USP38: variants seen among roughly 807,000 people sequenced by gnomAD.
USP38 encodes the protein ubiquitin specific peptidase 38.
In USP38, 49 loss-of-function variants were observed where a neutral mutation model predicts 94.3. That is an observed-to-expected ratio of 0.52 (90% CI 0.41 to 0.66). USP38 has a LOEUF of 0.66. Ranked by LOEUF, USP38 falls within the 30% of genes least tolerant of loss-of-function variation. USP38 has a pLI of 0.00. For synonymous variants in USP38, 468 were observed against 463.6 expected (o/e 1.01, Z -0.12); for missense variants, 1,128 against 1,229.4 (o/e 0.92, Z 1.23).
chr4:143,195,395 C>T (rs1731515217), intron 2 of USP38, among the ~76,000 whole-genome samples: 1 of 152,174 alleles, frequency 6.6e-6, no homozygotes. Context: ...CTTCTGGTTC[C>T]AGACATTTCA....
chr4:143,192,064 T>C (rs1256036236), intron 2 of USP38, among the ~76,000 whole-genome samples: 2 of 152,258 alleles, frequency 1.3e-5, no homozygotes, highest in African/African-American at 4.8e-5. Context: ...GCCAGTACTA[T>C]TATTTGATAA....
intron 6 of USP38, among the ~76,000 whole-genome samples, chr4:143,208,091 C>T (rs1403928819): frequency 6.6e-6 from 1 of 151,966 alleles, no homozygotes; most frequent in Non-Finnish European, 1.5e-5. Flanking sequence ...TGCAGAGAAT[C>T]CTATTTATAT....
intron 2 of USP38, among the ~76,000 whole-genome samples, chr4:143,190,290 A>T (rs115153455): frequency 6.6e-6 from 1 of 152,098 alleles, no homozygotes; most frequent in African/African-American, 2.4e-5. Context: ...TACATGACAT[A>T]AACTATTTAA....
chr4:143,212,979 A>T (rs1357201704), intron 8 of USP38, among the ~76,000 whole-genome samples: 4 of 152,188 alleles, frequency 2.6e-5, no homozygotes, highest in African/African-American at 9.6e-5. Context: ...ATATCAATAA[A>T]TACAACCCAT....
At chr4:143,191,248 C>T (rs1196537399) in intron 2 of USP38, among the ~76,000 whole-genome samples, 2 of 151,982 alleles carry the variant, frequency 1.3e-5, no homozygotes, top group Non-Finnish European at 2.9e-5. Flanking sequence ...ATGTAGATAC[C>T]GTACCAGGAC....
chr4:143,197,939 A>G lies in USP38; in HGVS notation c.1050+15A>G. On this transcript the variant is annotated intron_variant, in intron 4 of 9. Transcript: ENST00000307017. ...CGTTCCATTTGGTAAGTTATGACAT[A>G]AACGTTCTACTTTGAAAAAGCCTCA... The G allele has an allele frequency of 6.4e-7, 1 of 1,568,348 alleles. No homozygotes were observed. Among genetic ancestry groups the G allele is most frequent in the Non-Finnish European group, 8.7e-7 (1 of 1,151,112 alleles).
In USP38 at chr4:143,223,720, G is replaced by T. The variant is rs1448471860; in HGVS notation, c.*3264G>T. 4 of 152,014 alleles carry T rather than the reference G, an allele frequency of 2.6e-5. No homozygotes were observed. The allele number at this position is 152,014 out of a possible 1,614,324, so 9.4% of individuals were successfully genotyped here. A position where few individuals can be genotyped will look rare whatever the true frequency, so the allele number is the denominator to read the frequency against. On this transcript the variant is annotated 3_prime_UTR_variant, in exon 10 of 10. Transcript: ENST00000307017. ...TCTCAGTCCATCTTTTCCTATGATTGTGTACTTCACATGATACATTCCATA... is the reference window on the plus strand; with the variant it reads ...TCTCAGTCCATCTTTTCCTATGATTTTGTACTTCACATGATACATTCCATA...
rs775656549 is a variant in USP38 at position 143,187,845 on chromosome 4, T to C, written c.702T>C (p.Ser234=). The part of the protein sequence containing the change: ...ISSTDASFEP[S]VALASLVQHI... ...AAACAGATGCATCATTTGAACCTTC[T>C]GTAGCATTGGCAAGCCTTGTGCAGC... Residue 234 remains serine (S), a synonymous_variant, in exon 2 of 10, where the codon TCT becomes TCC. Coordinates refer to ENST00000307017, the MANE Select transcript of USP38 (RefSeq NM_032557.6). 8 of 1,612,760 alleles carry C rather than the reference T, an allele frequency of 5.0e-6. No homozygotes were observed. The highest frequency in any genetic ancestry group is 4.5e-5 in the East Asian group (2 of 44,824).
At chr4:143,207,989 A>G (rs1040570952) in intron 6 of USP38, among the ~76,000 whole-genome samples, 2 of 152,156 alleles carry the variant, frequency 1.3e-5, no homozygotes, top group Non-Finnish European at 2.9e-5. Context: ...TCCAAAGGTA[A>G]TTTGTTAACA....
rs981006671 is a variant in USP38, at chr4:143,214,572, A to T, written c.2596A>T (p.Thr866Ser). 16 of 1,613,560 alleles carry T rather than the reference A, an allele frequency of 9.9e-6. No homozygotes were observed. The highest frequency in any genetic ancestry group is 1.3e-5 in the Non-Finnish European group (15 of 1,179,794). Reference protein sequence around the residue: ...GHYYSYARNITSTDSSYQMYH... With the variant: ...GHYYSYARNISSTDSSYQMYH... ...TTACTATTCTTATGCCAGGAATATC[A>T]CAAGTACAGACTCTTCATATCAGAT... Residue 866 changes from threonine (T) to serine (S), a missense_variant, in exon 9 of 10, where the codon ACA (threonine) becomes TCA (serine). Physicochemically the swap from Thr to Ser is moderately conservative, Grantham distance 58 (BLOSUM62 1). Coordinates refer to ENST00000307017, the MANE Select transcript of USP38 (RefSeq NM_032557.6).
Position 143,186,174 on chromosome 4 carries a change from T to C in USP38, c.682+42T>C, listed in dbSNP as rs528279595. On this transcript the variant is annotated intron_variant, in intron 1 of 9. Coordinates refer to ENST00000307017, the MANE Select transcript of USP38 (RefSeq NM_032557.6). ...TTCAGAATATCTCATAAAAAATCAGTATATGTCTCTCTTGCACACACACAT... is the reference window on the plus strand; with the variant it reads ...TTCAGAATATCTCATAAAAAATCAGCATATGTCTCTCTTGCACACACACAT... 6 of 1,572,290 alleles carry C rather than the reference T, an allele frequency of 3.8e-6. No individual in the cohort carries two copies. In the Admixed American group the frequency reaches 6.8e-5, roughly 18 times the overall value.
chr4:143,203,561 A>G lies in USP38; in HGVS notation c.1204A>G (p.Ile402Val), dbSNP rs771953886. The change falls in exon 5 of 10, where the codon ATA becomes GTA. Residue 402 changes from isoleucine to valine, a missense_variant. Physicochemically the swap from Ile to Val is conservative, Grantham distance 29. Transcript: ENST00000307017. ...TCTCTATGAACCTATTCTGGAGGCA[A>G]TAAAGGTATGATGATAGTTGTACCA... is the stretch of plus-strand genomic sequence containing the variant. ...PDLYEPILEA[I>V]KDFPKPSEEK... 5.6e-6 allele frequency: 9 copies of G among 1,610,158 alleles called. No individual in the cohort carries two copies. The highest frequency in any genetic ancestry group is 5.0e-5 in the Admixed American group (3 of 59,414).
At position 143,221,213 on chromosome 4, in the gene USP38, G is replaced by T. The variant is rs1389973578; in HGVS notation, c.*757G>T. The T allele has an allele frequency of 6.6e-6, 1 of 152,516 alleles. No homozygotes were observed. The highest frequency in any genetic ancestry group is 1.5e-5 in the Non-Finnish European group (1 of 67,992). The allele number at this position is 152,516 out of a possible 1,614,324, so 9.4% of individuals were successfully genotyped here. A position where few individuals can be genotyped will look rare whatever the true frequency, so the allele number is the denominator to read the frequency against. Reference sequence around the variant, plus strand: ...TGTGGTTTTGAAGGAGGTGAGTTCTGTATGTGCCTTGCAGTACTGTAATTC... The same window carrying T: ...TGTGGTTTTGAAGGAGGTGAGTTCTTTATGTGCCTTGCAGTACTGTAATTC... On this transcript the variant is annotated 3_prime_UTR_variant, in exon 10 of 10. Transcript: ENST00000307017.
At chr4:143,191,047 C>T (rs889932849) in intron 2 of USP38, among the ~76,000 whole-genome samples, 4 of 151,618 alleles carry the variant, frequency 2.6e-5, no homozygotes, top group South Asian at 2.1e-4. Flanking sequence ...GTGTAGCCTG[C>T]GTGATCCTAT....
Position 143,213,822 on chromosome 4 carries a change from C to G in USP38, c.1846C>G (p.Leu616Val). ...TSQKVEAFTD[L>V]SLAFCPSSSL... ...ACAAAAAGTGGAAGCCTTTACAGATCTTTCGCTTGCCTTTTGTCCTTCCTC... is the reference window on the plus strand; with the variant it reads ...ACAAAAAGTGGAAGCCTTTACAGATGTTTCGCTTGCCTTTTGTCCTTCCTC... The change falls in exon 9 of 10, where the codon CTT (leucine) becomes GTT (valine). Residue 616 changes from leucine to valine, a missense_variant. Transcript: ENST00000307017. The G allele has an allele frequency of 6.2e-7, 1 of 1,613,814 alleles. No homozygotes were observed. Among genetic ancestry groups the G allele is most frequent in the South Asian group, 1.1e-5 (1 of 91,074 alleles).
At chr4:143,195,891 A>T (rs780854966) in intron 3 of USP38, 46 bp downstream of exon 3, 1 of 1,505,316 alleles carries the variant, frequency 6.6e-7, no homozygotes, top group African/African-American at 1.4e-5. Flanking sequence ...GACTCATAAA[A>T]TCAATATTTT....
chr4:143,196,507 C>T (rs930818256), intron 3 of USP38, among the ~76,000 whole-genome samples: 4 of 152,130 alleles, frequency 2.6e-5, no homozygotes. Context: ...CAGTATTTGG[C>T]ACAGTCGATC....
At position 143,185,077 on chromosome 4, in the gene USP38, C is replaced by G. The variant is rs1221402582; in HGVS notation, c.-374C>G. On this transcript the variant is annotated 5_prime_UTR_variant, in exon 1 of 10. Transcript: ENST00000307017. ...ACCTGACCCGGAACTCGGAGGCGTG[C>G]TTCCTCCACCCGCCGGCTAGCAGCC... is the stretch of plus-strand genomic sequence containing the variant. 2 of 188,886 alleles carry G rather than the reference C, an allele frequency of 1.1e-5. No homozygotes were observed. Among genetic ancestry groups the G allele is most frequent in the Non-Finnish European group, 1.1e-5 (1 of 93,014 alleles). The allele number at this position is 188,886 out of a possible 1,614,324, so 11.7% of individuals were successfully genotyped here.
At position 143,220,640 on chromosome 4, in the gene USP38, AAT is replaced by A; in HGVS notation, c.*185_*186del. 1 of 616,922 alleles carries A rather than the reference AAT, an allele frequency of 1.6e-6. No homozygotes were observed. The highest frequency in any genetic ancestry group is 2.3e-6 in the Non-Finnish European group (1 of 426,214). 38.2% of individuals were successfully genotyped at this position (616,922 alleles called of 1,614,324 possible). On this transcript the variant is annotated 3_prime_UTR_variant, in exon 10 of 10. Transcript: ENST00000307017. ...TAACAAAATGCATCATGGAAAAAAA[AAT>A]CTACCTCTTAAAATTCCATTTGCTT...
Sources: gnomAD v4.1 joint callset for allele counts (sites outside exome capture counted in the v4.1 genomes callset) on GRCh38, gnomAD v4.1.1 for gene constraint, MANE v1.5 for transcripts, NCBI Gene and HGNC (gene_info 2026-07-23, HGNC 2026-07-21) for gene names.